Variants in ATP13A3 observed in about 807,000 individuals in gnomAD.
The protein encoded by ATP13A3 is polyamine-transporting ATPase 13A3.
In ATP13A3, 59 loss-of-function variants were observed where a neutral mutation model predicts 158.1. That is an observed-to-expected ratio of 0.37 (90% CI 0.30 to 0.46). The LOEUF (loss-of-function observed/expected upper bound fraction) is 0.46. ATP13A3 is among the 20% of genes least tolerant of loss of function. The pLI, the probability that ATP13A3 is intolerant of heterozygous loss-of-function variation, is 1.00. For missense variants in ATP13A3, 1,166 were observed against 1,525.2 expected, an observed-to-expected ratio of 0.76 and a Z score of 3.92; for synonymous variants, 491 against 504.3, an observed-to-expected ratio of 0.97 and a Z score of 0.35.
At chr3:194,430,441 T>C in intron 24 of ATP13A3, 126 bp from the exon 25 acceptor site, 2 of 1,083,722 alleles carry the variant, frequency 1.8e-6, no homozygotes, top group Non-Finnish European at 2.7e-6. Flanking sequence ...AGTGGAACTA[T>C]GAATCTTTTC....
At chr3:194,409,297 TAA>T (rs1404392340) in intron 33 of ATP13A3, among the ~76,000 whole-genome samples, 1 of 152,136 alleles carries the variant, frequency 6.6e-6, no homozygotes, top group East Asian at 1.9e-4. Flanking sequence ...ATCCTGAATA[TAA>T]AACAAACACA....
At position 194,492,370 on chromosome 3, in the gene ATP13A3, C is replaced by G. The variant is rs77816430; in HGVS notation, n.746+1680G>C. Among the ~76,000 whole-genome samples, 1,502 of 152,214 alleles carry G rather than the reference C, an allele frequency of 9.9e-3. 32 individuals are homozygous for G. Among genetic ancestry groups the G allele is most frequent in the African/African-American group, 0.035 (1,446 of 41,512 alleles). The stretch of plus-strand genomic sequence containing the variant: ...ATCTACAGGGAATTGGTTTCAGAAC[C>G]TCTGTGGATACCAAAATCCAAAAAT... On this transcript the variant is annotated intron_variant and non_coding_transcript_variant, in intron 2 of 32. Coordinates refer to the ATP13A3 transcript ENST00000687055.
At chr3:194,406,600 C>G (rs1714953997) in intron 33 of ATP13A3, among the ~76,000 whole-genome samples, 1 of 152,082 alleles carries the variant, frequency 6.6e-6, no homozygotes, top group Non-Finnish European at 1.5e-5. Context: ...GAACTTTAAG[C>G]CATTCAGAAA....
rs764072939 is a variant in ATP13A3 at position 194,457,143 on chromosome 3, T to C, written c.511A>G (p.Ile171Val). 1.2e-5 allele frequency: 20 copies of C among 1,613,502 alleles called. No homozygotes were observed. Among genetic ancestry groups the C allele is most frequent in the African/African-American group, 2.7e-5 (2 of 74,916 alleles). Reference sequence around the variant, plus strand: ...AGTCCTGCACTATGCTTTTCATAAATTGACGTACAAGAAACACCTTCATCC... The same window carrying C: ...AGTCCTGCACTATGCTTTTCATAAACTGACGTACAAGAAACACCTTCATCC... ...GLDEGVSCTS[I>V]YEKHSAGLTK... Residue 171 changes from isoleucine to valine, a missense_variant, in exon 7 of 34, where the codon ATT becomes GTT. By Grantham distance (29) the Ile-to-Val change is conservative. Around this residue, in one of 3 missense-constraint regions of ATP13A3, gnomAD observed 997 missense variants for 1,341.2 expected, o/e 0.74. Transcript: ENST00000645319.
rs1179907901 is a variant in ATP13A3 at position 194,405,227 on chromosome 3, AG to A, written c.*691del. ...ACAGGAGCCATTTAAGAGCTTTGAG[AG>A]GCGTCTCAAGAAGGCAGTGAAGCAC... On this transcript the variant is annotated 3_prime_UTR_variant, in exon 34 of 34. Coordinates refer to ENST00000645319, the MANE Select transcript of ATP13A3 (RefSeq NM_001367549.1). 1 of 152,236 alleles carries A rather than the reference AG, an allele frequency of 6.6e-6. No homozygotes were observed. The highest frequency in any genetic ancestry group is 1.5e-5 in the Non-Finnish European group (1 of 68,068). 9.4% of individuals were successfully genotyped at this position (152,236 alleles called of 1,614,324 possible).
chr3:194,444,532 A>G (rs1226058211), intron 15 of ATP13A3, among the ~76,000 whole-genome samples, 193 bp downstream of exon 15: 2 of 152,216 alleles, frequency 1.3e-5, no homozygotes, highest in Non-Finnish European at 2.9e-5. Context: ...GAAGGGATAC[A>G]GTGGGACTTT....
At chr3:194,491,492 C>T (rs1721144597), upstream of ATP13A3, among the ~76,000 whole-genome samples, 1 of 151,820 alleles carries the variant, frequency 6.6e-6, no homozygotes, top group South Asian at 2.1e-4. Flanking sequence ...CATCTCTCAC[C>T]TCGCACGCCC....
At chr3:194,423,471 C>G (rs1238116199) in intron 30 of ATP13A3, among the ~76,000 whole-genome samples, 10 of 152,206 alleles carry the variant, frequency 6.6e-5, no homozygotes, top group Non-Finnish European at 1.5e-4. Context: ...AGAAAGGACT[C>G]TGCATGGATC....
At chr3:194,480,009 T>C (rs1444953349) in intron 2 of ATP13A3, among the ~76,000 whole-genome samples, 1 of 152,166 alleles carries the variant, frequency 6.6e-6, no homozygotes, top group African/African-American at 2.4e-5. Context: ...AGCCTGAATA[T>C]AACATTATTG....
intron 2 of ATP13A3, among the ~76,000 whole-genome samples, chr3:194,471,704 A>AT (rs1720314887): frequency 6.6e-6 from 1 of 152,224 alleles, no homozygotes; most frequent in Non-Finnish European, 1.5e-5. Flanking sequence ...TGTGCATCTT[A>AT]TGCCAGGTTC....
At chr3:194,443,126 C>T (rs73889871) in intron 15 of ATP13A3, among the ~76,000 whole-genome samples, 31,570 of 151,290 alleles carry the variant, frequency 0.21, 3,883 homozygotes, top group African/African-American at 0.34. Context: ...ATGGTTAAGG[C>T]ATTAGTACAC....
At chr3:194,464,007 A>G (rs568678276) in intron 2 of ATP13A3, among the ~76,000 whole-genome samples, 1 of 152,272 alleles carries the variant, frequency 6.6e-6, no homozygotes, top group South Asian at 2.1e-4. Flanking sequence ...ACAAAAATAC[A>G]AAAATTAGCC....
At chr3:194,456,058 T>C (rs1719203749) in intron 7 of ATP13A3, 96 bp from the exon 8 acceptor site, 2 of 654,386 alleles carry the variant, frequency 3.1e-6, no homozygotes, top group East Asian at 3.3e-5. Context: ...CCACAGACTG[T>C]TCTTATTCAT....
intron 33 of ATP13A3, among the ~76,000 whole-genome samples, chr3:194,411,987 C>T (rs1281982284): frequency 6.6e-6 from 1 of 152,064 alleles, no homozygotes. Context: ...TCTTGAAAAG[C>T]CTCTAACAAA....
chr3:194,417,721 T>C (rs1715968017), intron 31 of ATP13A3, among the ~76,000 whole-genome samples: 1 of 152,088 alleles, frequency 6.6e-6, no homozygotes, highest in Non-Finnish European at 1.5e-5. Context: ...GGAGGATCAC[T>C]TGAGCCCAGG....
chr3:194,444,371 T>C (rs1718251414), intron 15 of ATP13A3, among the ~76,000 whole-genome samples: 1 of 152,136 alleles, frequency 6.6e-6, no homozygotes, highest in Non-Finnish European at 1.5e-5. Flanking sequence ...CATATCAACA[T>C]GGATAAATCT....
intron 20 of ATP13A3, among the ~76,000 whole-genome samples, chr3:194,434,815 A>T (rs1717503844): frequency 6.6e-6 from 1 of 152,176 alleles, no homozygotes; most frequent in African/African-American, 2.4e-5. Flanking sequence ...ACTACTTGGA[A>T]GGCTTGAGGA....
Position 194,433,803 on chromosome 3 carries a change from A to T in ATP13A3, c.2214T>A (p.His738Gln). The part of the protein sequence containing the change: ...QETPAVLEDL[H>Q]KANIRTVMVT... ...CCATGACGGTGCGAATGTTGGCTTT[A>T]TGCAAATCTTCAAGTACTGCAGGGG... The change falls in exon 21 of 34, where the codon CAT becomes CAA. Residue 738 changes from histidine (H) to glutamine (Q), a missense_variant. His to Gln is a conservative substitution (Grantham distance 24, BLOSUM62 0). This residue lies in a region of ATP13A3 where 997 missense variants were observed against 1,341.2 expected (regional missense o/e 0.74). Transcript: ENST00000645319. The T allele has an allele frequency of 6.2e-7, 1 of 1,614,132 alleles. No homozygotes were observed. The highest frequency in any genetic ancestry group is 1.6e-4 in the Middle Eastern group (1 of 6,062).
chr3:194,406,237 C>A, intron 33 of ATP13A3, 121 bp from the exon 34 acceptor site: 1 of 1,041,068 alleles, frequency 9.6e-7, no homozygotes, highest in Non-Finnish European at 1.4e-6. Flanking sequence ...CTTCTGAGCA[C>A]AACGAATGGG....
Sources: gnomAD v4.1 joint callset for allele counts (sites outside exome capture counted in the v4.1 genomes callset) on GRCh38, gnomAD v4.1.1 for gene constraint, gnomAD v4.1.1 regional missense constraint, MANE v1.5 for transcripts, NCBI Gene and HGNC (gene_info 2026-07-23, HGNC 2026-07-21) for gene names.